SLC17A1: variants seen among roughly 807,000 people sequenced by gnomAD.
The protein encoded by SLC17A1 is sodium-dependent phosphate transport protein 1.
In SLC17A1, 51 loss-of-function variants were observed where a neutral mutation model predicts 53.5. The ratio of observed to expected loss-of-function variants is 0.95; its 90% CI spans 0.76 to 1.20. The LOEUF is 1.20. Ranked by LOEUF, SLC17A1 falls within the 50% of genes most tolerant of loss-of-function variation. SLC17A1 has a pLI of 0.00. For missense variants in SLC17A1, 538 were observed against 568.2 expected, an observed-to-expected ratio of 0.95 and a Z score of 0.54; for synonymous variants, 179 against 198.8, an observed-to-expected ratio of 0.90 and a Z score of 0.84.
chr6:25,726,598 G>T, the SLC17A1 span: 1 of 1,517,878 alleles, frequency 6.6e-7, no homozygotes, highest in Non-Finnish European at 8.9e-7. Flanking sequence ...TTTATAGTCT[G>T]ACTGAGGTTG....
chr6:25,777,229 A>T, the SLC17A1 span: 1 of 408,094 alleles, frequency 2.5e-6, no homozygotes, highest in Non-Finnish European at 4.4e-6. Flanking sequence ...CTCTCTGTTG[A>T]GGAATGCAGC....
chr6:25,795,158 C>T (rs978129935), intron 12 of SLC17A1, among the ~76,000 whole-genome samples: 2 of 152,130 alleles, frequency 1.3e-5, no homozygotes, highest in Non-Finnish European at 2.9e-5. Flanking sequence ...AGCCTAATAT[C>T]TAAAATGAGA....
chr6:25,830,866 G>A (rs74896774), intron 1 of SLC17A1, among the ~76,000 whole-genome samples: 1 of 152,212 alleles, frequency 6.6e-6, no homozygotes, highest in African/African-American at 2.4e-5. Context: ...TTCTAAATCC[G>A]TGATAATATT....
the SLC17A1 span, among the ~76,000 whole-genome samples, chr6:25,737,276 T>C: frequency 6.6e-6 from 1 of 152,156 alleles, no homozygotes; most frequent in South Asian, 2.1e-4. Context: ...GCATTTCTGA[T>C]GACTGGATGG....
At chr6:25,811,863 A>C in intron 8 of SLC17A1, 93 bp from the exon 9 acceptor site, 1 of 1,344,214 alleles carries the variant, frequency 7.4e-7, no homozygotes. Flanking sequence ...ATTATCTAAA[A>C]TGTGTACTTT....
the SLC17A1 span, among the ~76,000 whole-genome samples, chr6:25,751,370 T>C: frequency 2.0e-5 from 3 of 152,352 alleles, no homozygotes; most frequent in South Asian, 6.2e-4. Flanking sequence ...ATAGCTTATA[T>C]GACTGTTCAA....
At chr6:25,759,035 A>G in the SLC17A1 span, among the ~76,000 whole-genome samples, 12 of 152,144 alleles carry the variant, frequency 7.9e-5, no homozygotes, top group African/African-American at 2.7e-4. Context: ...TTTAATTTTC[A>G]TCTTGATTTC....
chr6:25,757,623 C>T, the SLC17A1 span, among the ~76,000 whole-genome samples: 1 of 152,124 alleles, frequency 6.6e-6, no homozygotes, highest in South Asian at 2.1e-4. Context: ...TGATCCCTTT[C>T]TCTGTCAGCA....
the SLC17A1 span, among the ~76,000 whole-genome samples, chr6:25,744,708 TG>T: frequency 6.6e-6 from 1 of 152,266 alleles, no homozygotes; most frequent in East Asian, 1.9e-4. Flanking sequence ...CAATAATGTG[TG>T]GGTAGCTGGA....
chr6:25,769,202 G>A, the SLC17A1 span: 4 of 1,606,422 alleles, frequency 2.5e-6, no homozygotes, highest in South Asian at 4.4e-5. Flanking sequence ...TAAGTTTAAT[G>A]AGACTCTGGA....
At chr6:25,768,724 C>A in the SLC17A1 span, among the ~76,000 whole-genome samples, 2 of 152,280 alleles carry the variant, frequency 1.3e-5, no homozygotes, top group African/African-American at 4.8e-5. Flanking sequence ...CATCCCAGAG[C>A]CCTGCCTAAA....
the SLC17A1 span, chr6:25,731,999 G>A: frequency 1.9e-6 from 3 of 1,575,094 alleles, no homozygotes; most frequent in Non-Finnish European, 2.6e-6. Context: ...CCTTGGAAGA[G>A]ATTCCAGTGT....
At chr6:25,762,085 T>TAAAAC in the SLC17A1 span, 1 of 1,580,238 alleles carries the variant, frequency 6.3e-7, no homozygotes, top group Non-Finnish European at 8.7e-7. Context: ...TGGTAGTAAA[T>TAAAAC]AAAACTAGGA....
the SLC17A1 span, among the ~76,000 whole-genome samples, chr6:25,767,744 G>T: frequency 2.6e-5 from 4 of 152,084 alleles, no homozygotes; most frequent in East Asian, 7.7e-4. Flanking sequence ...TTCCTGCTTT[G>T]TCCATTTTTT....
chr6:25,777,870 A>G, the SLC17A1 span: 1 of 1,447,828 alleles, frequency 6.9e-7, no homozygotes, highest in South Asian at 1.2e-5. Flanking sequence ...CCGGGTATTG[A>G]GACTTTCAAA....
chr6:25,776,520 A>G, the SLC17A1 span: 1 of 1,507,600 alleles, frequency 6.6e-7, no homozygotes, highest in Non-Finnish European at 8.9e-7. Flanking sequence ...AAATGTGGAC[A>G]GTCTGTCCAA....
chr6:25,744,812 G>C, the SLC17A1 span, among the ~76,000 whole-genome samples: 15 of 152,000 alleles, frequency 9.9e-5, no homozygotes, highest in African/African-American at 3.6e-4. Flanking sequence ...AGAAAATCTT[G>C]GAGAAAATCT....
the SLC17A1 span, among the ~76,000 whole-genome samples, chr6:25,751,910 A>G: frequency 5.5e-4 from 84 of 152,342 alleles, no homozygotes; most frequent in African/African-American, 1.9e-3. Context: ...AATGGCCAGA[A>G]ATGTGTAGGC....
chr6:25,809,476 G>A (rs532218185), intron 10 of SLC17A1, among the ~76,000 whole-genome samples: 7 of 151,920 alleles, frequency 4.6e-5, no homozygotes, highest in African/African-American at 1.7e-4. Context: ...TAGTTACAGT[G>A]AACTATCCAC....
Sources: gnomAD v4.1 joint callset for allele counts (sites outside exome capture counted in the v4.1 genomes callset) on GRCh38, gnomAD v4.1.1 for gene constraint, MANE v1.5 for transcripts, NCBI Gene and HGNC (gene_info 2026-07-23, HGNC 2026-07-21) for gene names.